DLG2: variants seen among roughly 807,000 people sequenced by gnomAD.
The protein encoded by DLG2 is discs large MAGUK scaffold protein 2, also known as disks large homolog 2.
In DLG2, 45 loss-of-function variants were observed where a neutral mutation model predicts 132.5. The ratio of observed to expected loss-of-function variants is 0.34; its 90% CI spans 0.27 to 0.44. DLG2 has a LOEUF of 0.44. Ranked by LOEUF, DLG2 falls within the 20% of genes least tolerant of loss-of-function variation. The probability of loss-of-function intolerance (pLI) is 1.00; values close to 1 mark genes in which losing one functional copy is unlikely to be tolerated. For missense variants in DLG2, 1,045 were observed against 1,196.9 expected (o/e 0.87, Z 1.87); for synonymous variants, 424 against 419.6 (o/e 1.01, Z -0.13).
chr11:84,423,278 G>A (rs142219671), intron 7 of DLG2, among the ~76,000 whole-genome samples: 13 of 151,816 alleles, frequency 8.6e-5, no homozygotes, highest in Admixed American at 2.6e-4. Context: ...ATATTTTATC[G>A]CAATAAAAAT....
At chr11:84,609,371 T>C (rs1200059931) in intron 6 of DLG2, among the ~76,000 whole-genome samples, 1 of 152,094 alleles carries the variant, frequency 6.6e-6, no homozygotes, top group African/African-American at 2.4e-5. Context: ...TAGTCAATAG[T>C]TGTTAAGTGT....
At chr11:85,452,646 A>G (rs1478447600) in intron 3 of DLG2, 1 of 192,454 alleles carries the variant, frequency 5.2e-6, no homozygotes. Context: ...CATACTGTGT[A>G]TTGCCAACCA....
At chr11:83,501,196 T>C (rs980490819) in intron 21 of DLG2, among the ~76,000 whole-genome samples, 2 of 136,840 alleles carry the variant, frequency 1.5e-5, no homozygotes, top group African/African-American at 5.4e-5. Flanking sequence ...TTTCTGTTTT[T>C]CTTTTCTTTT....
intron 3 of DLG2, among the ~76,000 whole-genome samples, chr11:85,527,504 T>C (rs1309565621): frequency 1.3e-5 from 2 of 152,190 alleles, no homozygotes; most frequent in African/African-American, 4.8e-5. Context: ...GCTTCATTCA[T>C]GTCCCTGCAA....
At chr11:84,872,974 G>C (rs1401783491) in intron 6 of DLG2, among the ~76,000 whole-genome samples, 1 of 152,154 alleles carries the variant, frequency 6.6e-6, no homozygotes, top group Non-Finnish European at 1.5e-5. Flanking sequence ...TACCTGATTA[G>C]CATTTTTAGA....
Position 84,107,286 on chromosome 11 carries a change from A to G in DLG2, c.625-8239T>C, listed in dbSNP as rs150829342. On this transcript the variant is annotated intron_variant, in intron 9 of 27. Coordinates refer to ENST00000376104, the MANE Select transcript of DLG2 (RefSeq NM_001142699.3). ...CTTAATTTCATGTAGTATAGCCACAATACAACAGTATTGTATAAGTTTATG... is the reference window on the plus strand; with the variant it reads ...CTTAATTTCATGTAGTATAGCCACAGTACAACAGTATTGTATAAGTTTATG... 6.3e-3 allele frequency among the ~76,000 whole-genome samples: 965 copies of G among 152,182 alleles called. 6 individuals are homozygous for G. Among genetic ancestry groups the G allele is most frequent in the Non-Finnish European group, 0.01 (700 of 67,988 alleles).
Position 85,324,278 on chromosome 11 carries a change from T to C in DLG2, c.41-38913A>G, listed in dbSNP as rs2081286249. Among the ~76,000 whole-genome samples, 7 of 152,256 alleles carry C rather than the reference T, an allele frequency of 4.6e-5. 1 individual carries two copies. The South Asian group carries it at 1.5e-3, about 32-fold the overall frequency. On this transcript the variant is annotated intron_variant, in intron 3 of 27. Transcript: ENST00000376104. ...GGTGGAGTGATGCCAGGATATTTTTTATTCCACCGCCTTGTTGACATCACA... is the reference window on the plus strand; with the variant it reads ...GGTGGAGTGATGCCAGGATATTTTTCATTCCACCGCCTTGTTGACATCACA...
chr11:84,323,307 T>G (rs2154397738), intron 7 of DLG2, among the ~76,000 whole-genome samples: 1 of 152,348 alleles, frequency 6.6e-6, no homozygotes, highest in Non-Finnish European at 1.5e-5. Flanking sequence ...TTTGTCCTTC[T>G]ATAGACTATT....
rs116097849 is a variant in DLG2, at chr11:85,540,886, C to A, written c.40+57771G>T. On this transcript the variant is annotated intron_variant, in intron 3 of 27. Coordinates refer to ENST00000376104, the MANE Select transcript of DLG2 (RefSeq NM_001142699.3). The stretch of plus-strand genomic sequence containing the variant: ...AGCCACATCCCTGTTGCACGCCCTG[C>A]GAGGAGGATAAGAAAACTCCTCCCA... Among the ~76,000 whole-genome samples the A allele has an allele frequency of 1.1e-3, 170 of 152,350 alleles. 1 individual carries two copies. Among genetic ancestry groups the A allele is most frequent in the African/African-American group, 4.0e-3 (165 of 41,576 alleles).
chr11:84,728,074 C>G (rs192314775), intron 6 of DLG2, among the ~76,000 whole-genome samples: 126 of 152,184 alleles, frequency 8.3e-4, no homozygotes, highest in Middle Eastern at 6.8e-3. Flanking sequence ...ATCTGAATAC[C>G]CTTTATTTCT....
At chr11:84,316,931 G>T in intron 7 of DLG2, 2 of 1,612,782 alleles carry the variant, frequency 1.2e-6, no homozygotes, top group Non-Finnish European at 1.7e-6. Context: ...GTCCCACAAG[G>T]TCCTGTTGAA....
chr11:85,598,613 C>G, intron 3 of DLG2, 44 bp downstream of exon 3: 2 of 1,448,596 alleles, frequency 1.4e-6, no homozygotes, highest in South Asian at 3.0e-5. Context: ...CTATCAAGCC[C>G]AATTCTGACC....
chr11:84,672,969 A>T (rs2099707523), intron 6 of DLG2, among the ~76,000 whole-genome samples: 1 of 152,086 alleles, frequency 6.6e-6, no homozygotes, highest in African/African-American at 2.4e-5. Context: ...AAAGAGCAGG[A>T]CACGGTGTGT....
intron 3 of DLG2, among the ~76,000 whole-genome samples, chr11:85,594,612 T>C (rs1591128127): frequency 1.3e-5 from 2 of 152,296 alleles, no homozygotes; most frequent in South Asian, 2.1e-4. Context: ...GACTAAAGAA[T>C]AACACATAAT....
chr11:83,462,242 G>A, intron 26 of DLG2, 149 bp from the exon 27 acceptor site: 1 of 576,292 alleles, frequency 1.7e-6, no homozygotes, highest in Non-Finnish European at 3.1e-6. Flanking sequence ...CTCTGTGCTG[G>A]AATAATTTCA....
At chr11:84,550,725 T>C (rs2099400206) in intron 6 of DLG2, among the ~76,000 whole-genome samples, 1 of 152,208 alleles carries the variant, frequency 6.6e-6, no homozygotes, top group African/African-American at 2.4e-5. Flanking sequence ...CTAAAGTTCC[T>C]TCCTAGTGGG....
At chr11:85,626,800 C>T (rs1189014992) in intron 1 of DLG2, 47 bp from the exon 2 acceptor site, 1 of 152,168 alleles carries the variant, frequency 6.6e-6, no homozygotes. Flanking sequence ...CACAACTAAA[C>T]TTTTTACACC....
At chr11:85,581,426 A>G (rs146053832) in intron 3 of DLG2, among the ~76,000 whole-genome samples, 5,515 of 151,824 alleles carry the variant, frequency 0.036, 153 homozygotes, top group Admixed American at 0.053. Context: ...CCTGGGCAAC[A>G]TGGTGAAACC....
chr11:84,118,966 C>A (rs966699152), intron 9 of DLG2, among the ~76,000 whole-genome samples: 8 of 152,120 alleles, frequency 5.3e-5, no homozygotes, highest in African/African-American at 1.9e-4. Flanking sequence ...ACTTCAAAAG[C>A]AAAACGTGTT....
Sources: allele counts gnomAD v4.1 joint callset (sites outside exome capture counted in the v4.1 genomes callset), GRCh38; gene constraint gnomAD v4.1.1; transcripts MANE v1.5; gene names NCBI Gene and HGNC (gene_info 2026-07-23, HGNC 2026-07-21).